ADRA1B: variants seen among roughly 807,000 people sequenced by gnomAD.
The protein encoded by ADRA1B is adrenoceptor alpha 1B.
In ADRA1B, 17 loss-of-function variants were observed where a neutral mutation model predicts 17.9. The observed-to-expected ratio is 0.95, with a 90% CI of 0.65 to 1.42. The LOEUF is 1.42. ADRA1B is among the 40% of genes most tolerant of loss of function. The pLI, the probability that ADRA1B is intolerant of heterozygous loss-of-function variation, is 0.00. For missense variants in ADRA1B, 681 were observed against 722.1 expected (o/e 0.94, Z 0.65); for synonymous variants, 366 against 327.6 (o/e 1.12, Z -1.27).
At chr5:159,962,930 CTTTTCTTTT>C (rs1755704263) in intron 1 of ADRA1B, among the ~76,000 whole-genome samples, 2 of 57,410 alleles carry the variant, frequency 3.5e-5, no homozygotes, top group Non-Finnish European at 3.5e-5. Flanking sequence ...TTTTTCTTTT[CTTTTCTTTT>C]TTTTTTTTTT....
chr5:159,914,492 T>G (rs1754258718), upstream of ADRA1B, among the ~76,000 whole-genome samples: 1 of 152,196 alleles, frequency 6.6e-6, no homozygotes, highest in Non-Finnish European at 1.5e-5. Context: ...AATCTCTTAT[T>G]ATCAAATCTT....
intron 1 of ADRA1B, among the ~76,000 whole-genome samples, chr5:159,936,928 G>A (rs894870465): frequency 6.6e-6 from 1 of 152,140 alleles, no homozygotes; most frequent in Non-Finnish European, 1.5e-5. Context: ...CACTGTGAGT[G>A]GCCTTATCCA....
chr5:159,874,494 T>A (rs1048486022), intron 1 of ADRA1B, among the ~76,000 whole-genome samples: 22 of 152,122 alleles, frequency 1.4e-4, no homozygotes, highest in African/African-American at 4.8e-4. Context: ...CATGACTTCA[T>A]TGACATTTCT....
At chr5:159,940,823 G>T (rs1755104249) in intron 1 of ADRA1B, among the ~76,000 whole-genome samples, 1 of 152,112 alleles carries the variant, frequency 6.6e-6, no homozygotes, top group African/African-American at 2.4e-5. Flanking sequence ...AATTGCTCTT[G>T]TACAAAGAAA....
At chr5:159,927,706 A>G (rs750212393) in intron 1 of ADRA1B, among the ~76,000 whole-genome samples, 13 of 152,146 alleles carry the variant, frequency 8.5e-5, no homozygotes, top group Non-Finnish European at 1.9e-4. Context: ...AAGTGTCTCA[A>G]TTTGAACAAT....
rs531190563 is a variant in ADRA1B, at chr5:159,916,765, C to T, written c.-141C>T. 112 of 777,354 alleles carry T rather than the reference C, an allele frequency of 1.4e-4. No individual in the cohort carries two copies. In the African/African-American group the frequency reaches 1.7e-3, roughly 11 times the overall value. 48.2% of individuals were successfully genotyped at this position (777,354 alleles called of 1,614,324 possible). ...AGACGTGCTGCCGGGCTGGGCTGCC[C>T]GGGGGAGATGACTCCTCGCCAGGAG... On this transcript the variant is annotated 5_prime_UTR_variant, in exon 1 of 2. Transcript: ENST00000306675.
intron 1 of ADRA1B, among the ~76,000 whole-genome samples, chr5:159,967,721 G>T (rs1755800929): frequency 6.6e-6 from 1 of 152,126 alleles, no homozygotes; most frequent in Non-Finnish European, 1.5e-5. Context: ...ATGGCCCTTG[G>T]CTTCTTCTTC....
intron 1 of ADRA1B, among the ~76,000 whole-genome samples, chr5:159,921,380 C>A (rs1754476459): frequency 6.6e-6 from 1 of 152,198 alleles, no homozygotes; most frequent in South Asian, 2.1e-4. Flanking sequence ...TTTCTTACTC[C>A]ATGAGCCATT....
chr5:159,921,487 C>A (rs1417800750), intron 1 of ADRA1B, among the ~76,000 whole-genome samples: 1 of 152,184 alleles, frequency 6.6e-6, no homozygotes, highest in Non-Finnish European at 1.5e-5. Flanking sequence ...CAAGAAGTGG[C>A]TGAGCTATTG....
chr5:159,921,793 C>G (rs1254205045), intron 1 of ADRA1B, among the ~76,000 whole-genome samples: 5 of 152,176 alleles, frequency 3.3e-5, no homozygotes, highest in Non-Finnish European at 7.3e-5. Flanking sequence ...TCCTCCAGCC[C>G]TTTCATTCAA....
chr5:159,937,181 T>C (rs1450409010), intron 1 of ADRA1B, among the ~76,000 whole-genome samples: 2 of 152,214 alleles, frequency 1.3e-5, no homozygotes, highest in Admixed American at 6.5e-5. Flanking sequence ...TTTCCCACTA[T>C]AGCCATGAAG....
intron 1 of ADRA1B, among the ~76,000 whole-genome samples, chr5:159,923,580 A>C (rs1356985982): frequency 6.6e-6 from 1 of 152,270 alleles, no homozygotes; most frequent in Non-Finnish European, 1.5e-5. Context: ...GAACACAGCA[A>C]ACAAGATACC....
At chr5:159,886,536 G>A (rs144937959) in intron 1 of ADRA1B, among the ~76,000 whole-genome samples, 1 of 152,270 alleles carries the variant, frequency 6.6e-6, no homozygotes, top group African/African-American at 2.4e-5. Flanking sequence ...TGACAACTCA[G>A]CAGTGCCCAG....
At chr5:159,975,015 T>G (rs1003914910), downstream of ADRA1B, among the ~76,000 whole-genome samples, 2 of 152,130 alleles carry the variant, frequency 1.3e-5, no homozygotes, top group African/African-American at 4.8e-5. Context: ...GTTAAGTACA[T>G]CCTCCAACAG....
chr5:159,955,443 A>G (rs905062273), intron 1 of ADRA1B, among the ~76,000 whole-genome samples: 1 of 152,224 alleles, frequency 6.6e-6, no homozygotes, highest in Admixed American at 6.5e-5. Flanking sequence ...ATCAGCGAAC[A>G]GCTGCTGAGA....
chr5:159,950,068 C>A (rs1269754325), intron 1 of ADRA1B, among the ~76,000 whole-genome samples: 2 of 152,202 alleles, frequency 1.3e-5, no homozygotes, highest in Admixed American at 1.3e-4. Flanking sequence ...TTCTGTGAGC[C>A]CTCCTTGACC....
At chr5:159,870,453 C>T (rs1753722531) in intron 1 of ADRA1B, 1 of 152,128 alleles carries the variant, frequency 6.6e-6, no homozygotes, top group Non-Finnish European at 1.5e-5. Context: ...TCAATAAATC[C>T]ATCCATCCAT....
At chr5:159,987,524 C>G in the ADRA1B span, among the ~76,000 whole-genome samples, 2 of 152,240 alleles carry the variant, frequency 1.3e-5, no homozygotes, top group Non-Finnish European at 2.9e-5. Flanking sequence ...GGGGCAAGCT[C>G]GGCGTTGAGG....
At chr5:159,921,241 T>A (rs559752360) in intron 1 of ADRA1B, among the ~76,000 whole-genome samples, 1 of 152,176 alleles carries the variant, frequency 6.6e-6, no homozygotes, top group African/African-American at 2.4e-5. Context: ...TCAGACCAAG[T>A]TGGACCAGGG....
Sources: allele counts gnomAD v4.1 joint callset (sites outside exome capture counted in the v4.1 genomes callset), GRCh38; gene constraint gnomAD v4.1.1; transcripts MANE v1.5; gene names NCBI Gene and HGNC (gene_info 2026-07-23, HGNC 2026-07-21).